Variants in LOC128462377 observed in about 807,000 individuals in gnomAD.
chr16:89,346,418 A>T, the LOC128462377 span, among the ~76,000 whole-genome samples: 1 of 152,186 alleles, frequency 6.6e-6, no homozygotes, highest in South Asian at 2.1e-4. Flanking sequence ...AACATATAAA[A>T]TCATCCAATA....
At chr16:89,386,500 C>CA in the LOC128462377 span, among the ~76,000 whole-genome samples, 1 of 152,162 alleles carries the variant, frequency 6.6e-6, no homozygotes, top group African/African-American at 2.4e-5. Flanking sequence ...CGGCACACAG[C>CA]ATGAGGGTGT....
the LOC128462377 span, among the ~76,000 whole-genome samples, chr16:89,328,350 T>C: frequency 1.7e-4 from 26 of 152,350 alleles, no homozygotes; most frequent in African/African-American, 6.3e-4. Context: ...AGGACATTTA[T>C]CTGAGAAAAT....
At chr16:89,408,778 C>T in the LOC128462377 span, among the ~76,000 whole-genome samples, 1 of 152,154 alleles carries the variant, frequency 6.6e-6, no homozygotes, top group Non-Finnish European at 1.5e-5. Flanking sequence ...AACCCTACTT[C>T]CTAAACATCT....
the LOC128462377 span, chr16:89,412,552 A>G: frequency 6.6e-6 from 1 of 152,190 alleles, no homozygotes; most frequent in Non-Finnish European, 1.5e-5. Context: ...TGCTACAGGA[A>G]CCCAATTACA....
At chr16:89,337,394 C>T in the LOC128462377 span, among the ~76,000 whole-genome samples, 1 of 144,674 alleles carries the variant, frequency 6.9e-6, no homozygotes, top group African/African-American at 2.5e-5. Context: ...ACTGTTAACC[C>T]TACTGCACAA....
At chr16:89,376,474 G>A in the LOC128462377 span, among the ~76,000 whole-genome samples, 28 of 152,136 alleles carry the variant, frequency 1.8e-4, no homozygotes, top group South Asian at 6.2e-4. Context: ...CTCTTGTTCC[G>A]TCACCCAGGC....
chr16:89,380,493 A>T, the LOC128462377 span, among the ~76,000 whole-genome samples: 1 of 152,236 alleles, frequency 6.6e-6, no homozygotes, highest in Non-Finnish European at 1.5e-5. Flanking sequence ...GGGCTACTCC[A>T]GAGAACGACC....
chr16:89,365,885 C>T, the LOC128462377 span, among the ~76,000 whole-genome samples: 1 of 151,840 alleles, frequency 6.6e-6, no homozygotes, highest in Non-Finnish European at 1.5e-5. Context: ...AAGCAGACCC[C>T]AGTGTCTGCT....
the LOC128462377 span, chr16:89,403,845 A>G: frequency 5.3e-5 from 8 of 152,180 alleles, no homozygotes; most frequent in African/African-American, 1.7e-4. Flanking sequence ...AGGAAGGGGC[A>G]TCATTTCAGT....
chr16:89,398,471 C>T, the LOC128462377 span, among the ~76,000 whole-genome samples: 17 of 147,644 alleles, frequency 1.2e-4, 1 homozygote, highest in Non-Finnish European at 2.9e-5. Context: ...GTAACCTCAG[C>T]ACTCTGGAAG....
the LOC128462377 span, among the ~76,000 whole-genome samples, chr16:89,325,752 GAAGGTGACAGAGATA>G: frequency 2.0e-5 from 3 of 152,194 alleles, no homozygotes; most frequent in African/African-American, 7.2e-5. Context: ...CAGTCTTTCA[GAAGGTGACAGAGATA>G]AAGGCCACAC....
At chr16:89,334,144 TAAAAAAA>T in the LOC128462377 span, among the ~76,000 whole-genome samples, 8 of 41,416 alleles carry the variant, frequency 1.9e-4, no homozygotes, top group African/African-American at 5.7e-4. Flanking sequence ...CCCTGTGTTT[TAAAAAAA>T]AAAAAAAAAA....
chr16:89,335,199 C>A, the LOC128462377 span, among the ~76,000 whole-genome samples: 22 of 152,170 alleles, frequency 1.4e-4, no homozygotes, highest in African/African-American at 5.3e-4. Flanking sequence ...TGCGTGCCTT[C>A]CCCATTGTCC....
the LOC128462377 span, among the ~76,000 whole-genome samples, chr16:89,409,340 G>A: frequency 2.0e-5 from 3 of 152,204 alleles, no homozygotes; most frequent in Admixed American, 6.5e-5. Flanking sequence ...ACACAACTCT[G>A]TTCAAGATCC....
chr16:89,333,165 CT>C, the LOC128462377 span, among the ~76,000 whole-genome samples: 1 of 152,248 alleles, frequency 6.6e-6, no homozygotes, highest in Admixed American at 6.5e-5. Context: ...TGCATCACAA[CT>C]TTTGGGTCAT....
chr16:89,361,632 G>A, the LOC128462377 span: 3 of 152,268 alleles, frequency 2.0e-5, no homozygotes, highest in Non-Finnish European at 4.4e-5. Context: ...TCTGAGGGCA[G>A]TGGGACTGCC....
At chr16:89,344,087 T>A in the LOC128462377 span, among the ~76,000 whole-genome samples, 1 of 152,118 alleles carries the variant, frequency 6.6e-6, no homozygotes, top group African/African-American at 2.4e-5. Context: ...GGTGCAGGAC[T>A]TCCCGGGCCT....
At chr16:89,377,928 G>A in the LOC128462377 span, among the ~76,000 whole-genome samples, 1 of 151,694 alleles carries the variant, frequency 6.6e-6, no homozygotes, top group African/African-American at 2.4e-5. Flanking sequence ...TGAGGATGAA[G>A]ACCTTCATGA....
chr16:89,320,476 CGGGAA>C, the LOC128462377 span: 7 of 152,174 alleles, frequency 4.6e-5, no homozygotes, highest in Non-Finnish European at 8.8e-5. Context: ...GGCACAGCCG[CGGGAA>C]GGTAAACGCA....
Sources: gnomAD v4.1 joint callset for allele counts (sites outside exome capture counted in the v4.1 genomes callset) on GRCh38, gnomAD v4.1.1 for gene constraint, MANE v1.5 for transcripts.